The following BPGM variants were observed in gnomAD, a reference collection of about 807,000 sequenced individuals.
The protein encoded by BPGM is bisphosphoglycerate mutase, also known as 2,3-bisphosphoglycerate mutase, erythrocyte.
In BPGM, 15 loss-of-function variants were observed where a neutral mutation model predicts 21.6. That is an observed-to-expected ratio of 0.70 (90% CI 0.47 to 1.07). The LOEUF (loss-of-function observed/expected upper bound fraction) is 1.07. Among genes scored for constraint, BPGM ranks in the 50% least tolerant of loss-of-function variants. The pLI is 0.00. For synonymous variants in BPGM, 113 were observed against 116.2 expected (o/e 0.97, Z 0.18); for missense variants, 273 against 319.0 (o/e 0.86, Z 1.10).
At chr7:134,668,350 T>C (rs2113450) in intron 2 of BPGM, among the ~76,000 whole-genome samples, 84,723 of 151,994 alleles carry the variant, frequency 0.56, 24,542 homozygotes, top group East Asian at 0.77. Flanking sequence ...AAGGTAGCCT[T>C]TCCCTTGACC....
chr7:134,647,791 CTTTTAT>C (rs1225070027), intron 1 of BPGM, among the ~76,000 whole-genome samples: 5 of 152,072 alleles, frequency 3.3e-5, no homozygotes, highest in African/African-American at 1.2e-4. Context: ...GTCAATTTGT[CTTTTAT>C]TTTTTATTTT....
chr7:134,674,192 C>A (rs908270812), intron 2 of BPGM, among the ~76,000 whole-genome samples: 1 of 152,154 alleles, frequency 6.6e-6, no homozygotes, highest in Non-Finnish European at 1.5e-5. Context: ...AGATTAGAGG[C>A]ATGAGCCACT....
intron 1 of BPGM, among the ~76,000 whole-genome samples, chr7:134,650,704 C>G (rs1585850468): frequency 6.6e-6 from 1 of 152,120 alleles, no homozygotes; most frequent in African/African-American, 2.4e-5. Flanking sequence ...GGGCAGATCA[C>G]GAGGTCAGGA....
At chr7:134,669,828 G>A (rs138752733) in intron 2 of BPGM, among the ~76,000 whole-genome samples, 72 of 152,284 alleles carry the variant, frequency 4.7e-4, no homozygotes, top group Non-Finnish European at 7.6e-4. Context: ...TTAAGGGACT[G>A]CTTTACTGGC....
intron 2 of BPGM, among the ~76,000 whole-genome samples, chr7:134,665,255 A>AGCTTTGACCACTGGGG (rs1795797675): frequency 5.2e-5 from 5 of 96,988 alleles, no homozygotes; most frequent in African/African-American, 1.0e-4. Flanking sequence ...ATCAAAGTGC[A>AGCTTTGACCACTGGGG]CATATACACC....
In BPGM at chr7:134,671,555, C is replaced by T. The variant is rs866012117; in HGVS notation, c.602-7298C>T. Among the ~76,000 whole-genome samples the T allele has an allele frequency of 3.3e-5, 5 of 152,046 alleles. No individual in the cohort carries two copies. In the South Asian group the frequency reaches 6.2e-4, roughly 19 times the overall value. On this transcript the variant is annotated intron_variant, in intron 2 of 2. Transcript: ENST00000344924. ...TTTGTTTTTGTATTTTTATTAGAGA[C>T]GGGGTTTCACTGTGTTAGCCAGGAT... is the stretch of plus-strand genomic sequence containing the variant.
chr7:134,658,567 G>GC (rs1795677855), intron 1 of BPGM: 1 of 152,180 alleles, frequency 6.6e-6, no homozygotes. Context: ...AATCACACTG[G>GC]CTACAGCGTT....
intron 1 of BPGM, among the ~76,000 whole-genome samples, chr7:134,651,477 G>T (rs1166685719): frequency 6.6e-6 from 1 of 152,074 alleles, no homozygotes; most frequent in African/African-American, 2.4e-5. Context: ...AGTTATGGGA[G>T]AAATATAATG....
At chr7:134,647,512 C>T (rs141763235) in intron 1 of BPGM, among the ~76,000 whole-genome samples, 1 of 152,180 alleles carries the variant, frequency 6.6e-6, no homozygotes, top group Non-Finnish European at 1.5e-5. Flanking sequence ...TTCTAAGGGA[C>T]GAGCTGGTAT....
intron 2 of BPGM, among the ~76,000 whole-genome samples, chr7:134,663,667 T>C (rs1477926944): frequency 6.6e-6 from 1 of 152,174 alleles, no homozygotes; most frequent in African/African-American, 2.4e-5. Flanking sequence ...TCAGATTTAT[T>C]GTGGCCAGGC....
At chr7:134,675,840 T>A (rs1001137489) in intron 2 of BPGM, among the ~76,000 whole-genome samples, 2 of 152,228 alleles carry the variant, frequency 1.3e-5, no homozygotes, top group African/African-American at 4.8e-5. Flanking sequence ...AACAGTGTTA[T>A]GTCTTCTAAT....
chr7:134,676,549 C>T (rs890248001), intron 2 of BPGM, among the ~76,000 whole-genome samples: 1 of 152,156 alleles, frequency 6.6e-6, no homozygotes, highest in Non-Finnish European at 1.5e-5. Context: ...AAACAGTACT[C>T]AGTGTACTCA....
intron 1 of BPGM, among the ~76,000 whole-genome samples, chr7:134,658,892 A>ATTTTTTTTTATTTTTATT (rs1554411130): frequency 6.9e-6 from 1 of 143,900 alleles, no homozygotes; most frequent in Non-Finnish European, 1.5e-5. Context: ...GTGTGTGTGT[A>ATTTTTTTTTATTTTTATT]TTTTTTTTTT....
chr7:134,663,789 CTT>C (rs1332842961), intron 2 of BPGM, among the ~76,000 whole-genome samples: 1 of 152,192 alleles, frequency 6.6e-6, no homozygotes, highest in Non-Finnish European at 1.5e-5. Context: ...ACCATTGACT[CTT>C]CACCTATCTT....
chr7:134,652,351 A>C (rs1246349070), intron 1 of BPGM, among the ~76,000 whole-genome samples: 2 of 152,288 alleles, frequency 1.3e-5, no homozygotes, highest in Non-Finnish European at 2.9e-5. Context: ...TAAATTATGG[A>C]TGCATAATAG....
In BPGM at chr7:134,661,486, C is replaced by G; in HGVS notation, c.-22C>G. The stretch of plus-strand genomic sequence containing the variant: ...TTGAATATTAGCCCATTTGAAAACG[C>G]CTGGGAAGTTCAGCCATCAGTATGT... On this transcript the variant is annotated 5_prime_UTR_variant, in exon 2 of 3. Coordinates refer to ENST00000344924, the MANE Select transcript of BPGM (RefSeq NM_001724.5). This position sits in a 1 kb window ranked among gnomAD's most constrained non-coding sequence, Gnocchi z 4.6. The G allele has an allele frequency of 1.2e-6, 2 of 1,613,990 alleles. No individual in the cohort carries two copies. The highest frequency in any genetic ancestry group is 2.7e-5 in the African/African-American group (2 of 75,006).
In BPGM at chr7:134,679,461, C is replaced by T. The variant is rs1796031395; in HGVS notation, c.*430C>T. The stretch of plus-strand genomic sequence containing the variant: ...ACAGTAAGGGATATTAGATAATATA[C>T]CGTATGTATTTATTACTAGTCTTTT... On this transcript the variant is annotated 3_prime_UTR_variant, in exon 3 of 3. Coordinates refer to ENST00000344924, the MANE Select transcript of BPGM (RefSeq NM_001724.5). 6.0e-6 allele frequency: 1 copy of T among 166,796 alleles called. No individual in the cohort carries two copies. Among genetic ancestry groups the T allele is most frequent in the Non-Finnish European group, 1.3e-5 (1 of 76,218 alleles). 10.3% of individuals were successfully genotyped at this position (166,796 alleles called of 1,614,324 possible).
chr7:134,678,325 A>G (rs1796011320), intron 2 of BPGM, among the ~76,000 whole-genome samples: 1 of 152,146 alleles, frequency 6.6e-6, no homozygotes, highest in Non-Finnish European at 1.5e-5. Context: ...CTTTCTAAGC[A>G]CCTGGGAAAG....
chr7:134,675,363 A>G (rs1276157266), intron 2 of BPGM, among the ~76,000 whole-genome samples: 1 of 152,082 alleles, frequency 6.6e-6, no homozygotes, highest in Non-Finnish European at 1.5e-5. Context: ...CTTTTTTTCT[A>G]AAAATTTTTA....
Sources: gnomAD v4.1 joint callset for allele counts (sites outside exome capture counted in the v4.1 genomes callset) on GRCh38, gnomAD v4.1.1 for gene constraint, Gnocchi (gnomAD v3.1) non-coding constraint, MANE v1.5 for transcripts, NCBI Gene and HGNC (gene_info 2026-07-23, HGNC 2026-07-21) for gene names.